ZNF248: variants seen among roughly 807,000 people sequenced by gnomAD.
ZNF248 encodes the protein zinc finger protein 248.
ZNF248 carries 20 observed loss-of-function variants against 44.3 expected under a neutral mutation model. The observed-to-expected ratio is 0.45, with a 90% CI of 0.32 to 0.66. ZNF248 has a LOEUF of 0.66. Ranked by LOEUF, ZNF248 falls within the 30% of genes least tolerant of loss-of-function variation. The pLI, the probability that ZNF248 is intolerant of heterozygous loss-of-function variation, is 0.04. For missense variants in ZNF248, 654 were observed against 677.0 expected (o/e 0.97, Z 0.38); for synonymous variants, 224 against 229.0 (o/e 0.98, Z 0.20).
chr10:37,785,548 T>C (rs929887385), intron 6 of ZNF248, among the ~76,000 whole-genome samples: 20 of 152,208 alleles, frequency 1.3e-4, no homozygotes, highest in African/African-American at 4.6e-4. Context: ...CTACCTCTAC[T>C]TCAATTCATG....
intron 6 of ZNF248, chr10:37,819,733 CG>C: frequency 2.6e-6 from 2 of 782,512 alleles, no homozygotes; most frequent in South Asian, 2.7e-5. Context: ...CTAATGTTAA[CG>C]TTTTATTTTC....
intron 6 of ZNF248, among the ~76,000 whole-genome samples, chr10:37,821,979 G>A (rs1268944465): frequency 6.6e-6 from 1 of 152,114 alleles, no homozygotes; most frequent in East Asian, 1.9e-4. Flanking sequence ...CTAAAGACTG[G>A]AGCCTCAGCA....
chr10:37,833,048 G>A lies in ZNF248; in HGVS notation c.307C>T (p.Leu103Phe). The A allele has an allele frequency of 6.2e-7, 1 of 1,612,068 alleles. No individual in the cohort carries two copies. Reference sequence around the variant, plus strand: ...ACTGTTTTGTTGTTGTGGAATAGAAGCTCCCAAAAATGGTCATCTTCATTT... The same window carrying A: ...ACTGTTTTGTTGTTGTGGAATAGAAACTCCCAAAAATGGTCATCTTCATTT... ...QENEDDHFWE[L>F]LFHNNKTVSV... is the part of the protein sequence containing the mutation. Residue 103 changes from leucine (L) to phenylalanine (F), a missense_variant, in exon 6 of 6, where the codon CTT becomes TTT. Leu to Phe is a conservative substitution (Grantham distance 22). Transcript: ENST00000395867.
At position 37,831,850 on chromosome 10, in the gene ZNF248, C is replaced by T; in HGVS notation, c.1505G>A (p.Cys502Tyr). ...FICNECGKSF[C>Y]VKSNLIVHQR... ...ATGTACAATGAGGTTTGACTTCACA[C>T]AGAAGGATTTTCCACATTCATTACA... The change falls in exon 6 of 6, where the codon TGT becomes TAT. Residue 502 changes from cysteine (C) to tyrosine (Y), a missense_variant. By Grantham distance (194) the Cys-to-Tyr change is radical. Coordinates refer to ENST00000395867, the MANE Select transcript of ZNF248 (RefSeq NM_021045.3). 1 of 1,614,062 alleles carries T rather than the reference C, an allele frequency of 6.2e-7. No individual in the cohort carries two copies. The highest frequency in any genetic ancestry group is 1.6e-4 in the Middle Eastern group (1 of 6,062).
chr10:37,770,323 C>G, the ZNF248 span, among the ~76,000 whole-genome samples: 1 of 152,198 alleles, frequency 6.6e-6, no homozygotes. Flanking sequence ...CAAGTCAATC[C>G]TAAGCCAAAA....
At chr10:37,855,312 G>A (rs748609715) in intron 3 of ZNF248, among the ~76,000 whole-genome samples, 10 of 152,128 alleles carry the variant, frequency 6.6e-5, no homozygotes, top group Non-Finnish European at 1.2e-4. Flanking sequence ...CCTACCTGGA[G>A]AAACTGCATG....
At chr10:37,781,412 T>C (rs559700832) in intron 6 of ZNF248, among the ~76,000 whole-genome samples, 1 of 152,276 alleles carries the variant, frequency 6.6e-6, no homozygotes, top group African/African-American at 2.4e-5. Context: ...TCAGTGAAAA[T>C]GTAGCAAGAT....
the ZNF248 span, among the ~76,000 whole-genome samples, chr10:37,770,464 G>C: frequency 6.6e-6 from 1 of 152,076 alleles, no homozygotes; most frequent in Non-Finnish European, 1.5e-5. Flanking sequence ...CAGAAATAAT[G>C]CTGCATATCT....
intron 6 of ZNF248, among the ~76,000 whole-genome samples, chr10:37,822,028 C>CA (rs2053552240): frequency 6.6e-6 from 1 of 152,196 alleles, no homozygotes; most frequent in Non-Finnish European, 1.5e-5. Context: ...ATAAGCCCCC[C>CA]ATAAGGGGCT....
At chr10:37,822,690 G>A (rs184835716) in intron 6 of ZNF248, among the ~76,000 whole-genome samples, 1 of 152,228 alleles carries the variant, frequency 6.6e-6, no homozygotes, top group African/African-American at 2.4e-5. Flanking sequence ...GGCCACAATG[G>A]AAGGAAGAAA....
chr10:37,834,950 T>C (rs867528561), intron 5 of ZNF248, among the ~76,000 whole-genome samples: 38 of 152,210 alleles, frequency 2.5e-4, no homozygotes, highest in African/African-American at 7.2e-4. Context: ...ATTATAGTCA[T>C]TGAAAGGGAA....
chr10:37,841,810 T>G (rs1214821648), intron 3 of ZNF248, among the ~76,000 whole-genome samples: 1 of 152,176 alleles, frequency 6.6e-6, no homozygotes, highest in Non-Finnish European at 1.5e-5. Flanking sequence ...TAAGAAACCC[T>G]AACCTCAGTC....
rs1383413947 is a variant in ZNF248, at chr10:37,830,128, C to G, written c.*1487G>C. On this transcript the variant is annotated 3_prime_UTR_variant, in exon 6 of 6. Coordinates refer to ENST00000395867, the MANE Select transcript of ZNF248 (RefSeq NM_021045.3). ...CCCAAACAGATACACAATGAAAAAT[C>G]AAGGATATCAAAAGGGCCTTTCATT... 8.1e-6 allele frequency: 8 copies of G among 985,244 alleles called. No individual in the cohort carries two copies. The highest frequency in any genetic ancestry group is 6.2e-5 in the Admixed American group (1 of 16,248). The allele number at this position is 985,244 out of a possible 1,614,324, so 61.0% of individuals were successfully genotyped here.
At chr10:37,856,963 G>T (rs1043385629) in intron 1 of ZNF248, 1 of 153,672 alleles carries the variant, frequency 6.5e-6, no homozygotes, top group Non-Finnish European at 1.4e-5. Context: ...GGTCAAAACA[G>T]ATAACCCAAG....
Position 37,828,865 on chromosome 10 carries a change from TATA to T in ZNF248, c.*2747_*2749del. 1 of 985,396 alleles carries T rather than the reference TATA, an allele frequency of 1.0e-6. No individual in the cohort carries two copies. The highest frequency in any genetic ancestry group is 1.2e-6 in the Non-Finnish European group (1 of 829,926). The allele number at this position is 985,396 out of a possible 1,614,324, so 61.0% of individuals were successfully genotyped here. A position where few individuals can be genotyped will look rare whatever the true frequency, so the allele number is the denominator to read the frequency against. On this transcript the variant is annotated 3_prime_UTR_variant, in exon 6 of 6. Coordinates refer to ENST00000395867, the MANE Select transcript of ZNF248 (RefSeq NM_021045.3). ...GGGAGGTATGAATAATGTAATTTAA[TATA>T]ATGTCTGCTTCACACATGTTGAAGG...
intron 5 of ZNF248, among the ~76,000 whole-genome samples, chr10:37,837,086 A>AAAAAC (rs2057367753): frequency 8.7e-6 from 1 of 114,402 alleles, no homozygotes; most frequent in Non-Finnish European, 1.9e-5. Flanking sequence ...TTTAAAATGT[A>AAAAAC]AAAAAAAAAA....
In ZNF248 at chr10:37,832,372, T is replaced by C. The variant is rs140650421; in HGVS notation, c.983A>G (p.Lys328Arg). 8 of 1,613,970 alleles carry C rather than the reference T, an allele frequency of 5.0e-6. No homozygotes were observed. The African/African-American group carries it at 1.1e-4, about 22-fold the overall frequency. The change falls in exon 6 of 6, where the codon AAA (lysine) becomes AGA (arginine). Residue 328 changes from lysine (K) to arginine (R), a missense_variant. By Grantham distance (26) the Lys-to-Arg change is conservative. Coordinates refer to ENST00000395867, the MANE Select transcript of ZNF248 (RefSeq NM_021045.3). ...AYTRKILREY[K>R]VSDKTWEKSA... ...CTTTTCCCAGGTTTTGTCACTCACT[T>C]TATATTCACGGAGAATCTTTCTTGT...
At chr10:37,855,365 A>G (rs2061095172) in intron 3 of ZNF248, among the ~76,000 whole-genome samples, 1 of 152,228 alleles carries the variant, frequency 6.6e-6, no homozygotes, top group Non-Finnish European at 1.5e-5. Flanking sequence ...ATCTTTTGTT[A>G]TCACTTATAC....
At chr10:37,808,278 C>CTTTTTTTT (rs796239232) in intron 6 of ZNF248, among the ~76,000 whole-genome samples, 1 of 137,602 alleles carries the variant, frequency 7.3e-6, no homozygotes, top group Non-Finnish European at 1.6e-5. Context: ...AACCTTTTTT[C>CTTTTTTTT]TTTTTTTTTT....
Sources: allele counts gnomAD v4.1 joint callset (sites outside exome capture counted in the v4.1 genomes callset), GRCh38; gene constraint gnomAD v4.1.1; transcripts MANE v1.5; gene names NCBI Gene and HGNC (gene_info 2026-07-23, HGNC 2026-07-21).